The following ZBTB22 variants were observed in gnomAD, a reference collection of about 807,000 sequenced individuals.
ZBTB22 encodes the protein zinc finger and BTB domain containing 22, also known as zinc finger and BTB domain-containing protein 22.
For synonymous variants in ZBTB22, 356 were observed against 347.3 expected, an observed-to-expected ratio of 1.03 and a Z score of -0.28; for missense variants, 668 against 834.1, an observed-to-expected ratio of 0.80 and a Z score of 2.45.
chr6:33,315,266 T>C lies in ZBTB22; in HGVS notation c.1651A>G (p.Met551Val). 6.2e-7 allele frequency: 1 copy of C among 1,613,778 alleles called. No homozygotes were observed. The highest frequency in any genetic ancestry group is 8.5e-7 in the Non-Finnish European group (1 of 1,179,920). Residue 551 changes from methionine to valine, a missense_variant, in exon 2 of 2, where the codon ATG (methionine) becomes GTG (valine). Met to Val is a conservative substitution (Grantham distance 21, BLOSUM62 1). Transcript: ENST00000431845. The surrounding 1 kb of genome is among the most constrained non-coding windows in gnomAD (Gnocchi z 5.4). The part of the protein sequence containing the change: ...YECGVCAKKF[M>V]WRDSFMRHRG... ...TGGCGCATGAAGCTGTCTCGCCACA[T>C]GAACTTCTTGGCGCAGACTCCGCAC... is the stretch of plus-strand genomic sequence containing the variant.
At position 33,316,011 on chromosome 6, in the gene ZBTB22, T is replaced by C. The variant is rs775590807; in HGVS notation, c.906A>G (p.Arg302=). The C allele has an allele frequency of 1.2e-6, 2 of 1,614,038 alleles. No individual in the cohort carries two copies. Among genetic ancestry groups the C allele is most frequent in the Non-Finnish European group, 1.7e-6 (2 of 1,179,980 alleles). The change falls in exon 2 of 2, where the codon CGA becomes CGG. Residue 302 remains arginine (R), a synonymous_variant. Transcript: ENST00000431845. The surrounding 1 kb of genome is among the most constrained non-coding windows in gnomAD (Gnocchi z 7.2). ...GTGTTGGCGCTGGGCAATTACCACC[T>C]CGCTTCACGTATACCCAGTGTTTCT... is the stretch of plus-strand genomic sequence containing the variant. The part of the protein sequence containing the change: ...MPQKHWVYVK[R]GGNCPAPTPL...
rs754370089 is a variant in ZBTB22, at chr6:33,315,062, T to C, written c.1855A>G (p.Arg619Gly). The change falls in exon 2 of 2, where the codon AGA (arginine) becomes GGA (glycine). Residue 619 changes from arginine (R) to glycine (G), a missense_variant. Arg to Gly is a moderately radical substitution (Grantham distance 125). Coordinates refer to ENST00000431845, the MANE Select transcript of ZBTB22 (RefSeq NM_005453.5). This position sits in a 1 kb window ranked among gnomAD's most constrained non-coding sequence, Gnocchi z 5.4. ...PSSRRVWSPP[R>G]VHKVEMGFGG... The stretch of plus-strand genomic sequence containing the variant: ...AAGCCCATCTCCACCTTGTGGACTC[T>C]GGGTGGGGACCAGACACGTCTGCTG... The C allele has an allele frequency of 2.5e-6, 4 of 1,589,750 alleles. No homozygotes were observed. Among genetic ancestry groups the C allele is most frequent in the South Asian group, 2.2e-5 (2 of 89,150 alleles).
In ZBTB22 at chr6:33,315,361, T is replaced by C. The variant is rs770199203; in HGVS notation, c.1556A>G (p.Asn519Ser). 2 of 1,614,210 alleles carry C rather than the reference T, an allele frequency of 1.2e-6. No individual in the cohort carries two copies. Among genetic ancestry groups the C allele is most frequent in the Admixed American group, 1.7e-5 (1 of 60,032 alleles). Residue 519 changes from asparagine to serine, a missense_variant, in exon 2 of 2, where the codon AAC becomes AGC. By Grantham distance (46) the Asn-to-Ser change is conservative. Coordinates refer to ENST00000431845, the MANE Select transcript of ZBTB22 (RefSeq NM_005453.5). The surrounding 1 kb of genome is among the most constrained non-coding windows in gnomAD (Gnocchi z 5.4). ...ATGGTGCTTCATCTTGAACTTTTTG[T>C]TGCACACGGGGCAGTCAAACGGCCG... is the stretch of plus-strand genomic sequence containing the variant. The part of the protein sequence containing the change: ...NLRPFDCPVC[N>S]KKFKMKHHLT...
chr6:33,315,483 G>A lies in ZBTB22; in HGVS notation c.1434C>T (p.Gly478=). The change falls in exon 2 of 2, where the codon GGC becomes GGT. Residue 478 remains glycine (G), a synonymous_variant. Transcript: ENST00000431845. The surrounding 1 kb of genome is among the most constrained non-coding windows in gnomAD (Gnocchi z 5.4). ...GSVGGVPGGT[G]SGDGNKIFLC... Reference sequence around the variant, plus strand: ...GAAAGATCTTATTCCCGTCCCCACTGCCAGTCCCTCCAGGGACCCCACCAA... The same window carrying A: ...GAAAGATCTTATTCCCGTCCCCACTACCAGTCCCTCCAGGGACCCCACCAA... 6.2e-7 allele frequency: 1 copy of A among 1,614,034 alleles called. No individual in the cohort carries two copies. Among genetic ancestry groups the A allele is most frequent in the Non-Finnish European group, 8.5e-7 (1 of 1,179,998 alleles).
Position 33,314,861 on chromosome 6 carries a change from A to G in ZBTB22, c.*151T>C. The G allele has an allele frequency of 7.2e-7, 1 of 1,384,158 alleles. No homozygotes were observed. Among genetic ancestry groups the G allele is most frequent in the Non-Finnish European group, 9.5e-7 (1 of 1,057,578 alleles). 85.7% of individuals were successfully genotyped at this position (1,384,158 alleles called of 1,614,324 possible). On this transcript the variant is annotated 3_prime_UTR_variant, in exon 2 of 2. Transcript: ENST00000431845. Reference sequence around the variant, plus strand: ...AGTAGAATGGGCGGGCGATGGTGAAACTGTGGTTCCCCTTCCAGAATATAT... The same window carrying G: ...AGTAGAATGGGCGGGCGATGGTGAAGCTGTGGTTCCCCTTCCAGAATATAT...
At position 33,315,688 on chromosome 6, in the gene ZBTB22, G is replaced by T; in HGVS notation, c.1229C>A (p.Ser410Tyr). Residue 410 changes from serine (S) to tyrosine (Y), a missense_variant, in exon 2 of 2, where the codon TCC (serine) becomes TAC (tyrosine). Coordinates refer to ENST00000431845, the MANE Select transcript of ZBTB22 (RefSeq NM_005453.5). This position sits in a 1 kb window ranked among gnomAD's most constrained non-coding sequence, Gnocchi z 5.4. ...GGGAAGGAGCGGTCGAGGAGGGTGG[G>T]AGGGGGCATAGGAAGAGGGAGTTGG... ...GGPTPSSYAP[S>Y]HPPRPLLPLD... The T allele has an allele frequency of 2.5e-6, 4 of 1,613,820 alleles. No homozygotes were observed. Among genetic ancestry groups the T allele is most frequent in the Non-Finnish European group, 3.4e-6 (4 of 1,179,860 alleles).
rs145713668 is a variant in ZBTB22 at position 33,315,189 on chromosome 6, A to G, written c.1728T>C (p.Pro576=). 6.2e-7 allele frequency: 1 copy of G among 1,612,018 alleles called. No homozygotes were observed. Among genetic ancestry groups the G allele is most frequent in the Non-Finnish European group, 8.5e-7 (1 of 1,179,114 alleles). ...ATGGCCCCGTGGGAGTCCCAGGCCC[A>G]GGTACGGCCCCGACCCCGCCCAGGC... ...RHRLGGVGAV[P]GPGTPTGPSL... Residue 576 remains proline (P), a synonymous_variant, in exon 2 of 2, where the codon CCT becomes CCC. Transcript: ENST00000431845. The surrounding 1 kb of genome is among the most constrained non-coding windows in gnomAD (Gnocchi z 5.4).
At chr6:33,317,038 C>G (rs369452815) in intron 1 of ZBTB22, 53 bp from the exon 2 acceptor site, 1 of 1,229,322 alleles carries the variant, frequency 8.1e-7, no homozygotes, top group Non-Finnish European at 1.1e-6. Context: ...CGACACAGCC[C>G]GTTACAACTC....
chr6:33,315,100 G>T lies in ZBTB22; in HGVS notation c.1817C>A (p.Ala606Asp). ...GGGSGDEASA[A>D]TPPSSRRVWS... ...GACACGTCTGCTGGACGGGGGCGTG[G>T]CCGCACTCGCTTCGTCGCCGCTGCC... Residue 606 changes from alanine (A) to aspartate (D), a missense_variant, in exon 2 of 2, where the codon GCC becomes GAC. Ala to Asp is a moderately radical substitution (Grantham distance 126). Transcript: ENST00000431845. This position sits in a 1 kb window ranked among gnomAD's most constrained non-coding sequence, Gnocchi z 5.4. The T allele has an allele frequency of 6.2e-7, 1 of 1,611,276 alleles. No homozygotes were observed. The highest frequency in any genetic ancestry group is 8.5e-7 in the Non-Finnish European group (1 of 1,177,980).
Position 33,315,275 on chromosome 6 carries a change from T to C in ZBTB22, c.1642A>G (p.Lys548Glu). ...LKPYECGVCA[K>E]KFMWRDSFMR... ...AAGCTGTCTCGCCACATGAACTTCTTGGCGCAGACTCCGCACTCGTAGGGC... is the reference window on the plus strand; with the variant it reads ...AAGCTGTCTCGCCACATGAACTTCTCGGCGCAGACTCCGCACTCGTAGGGC... Residue 548 changes from lysine to glutamate, a missense_variant, in exon 2 of 2, where the codon AAG becomes GAG. Coordinates refer to ENST00000431845, the MANE Select transcript of ZBTB22 (RefSeq NM_005453.5). The surrounding 1 kb of genome is among the most constrained non-coding windows in gnomAD (Gnocchi z 5.4). 6.2e-7 allele frequency: 1 copy of C among 1,613,902 alleles called. No homozygotes were observed. Among genetic ancestry groups the C allele is most frequent in the Non-Finnish European group, 8.5e-7 (1 of 1,179,988 alleles).
At position 33,316,656 on chromosome 6, in the gene ZBTB22, T is replaced by G. The variant is rs774041209; in HGVS notation, c.261A>C (p.Leu87=). The G allele has an allele frequency of 4.3e-5, 69 of 1,613,818 alleles. No homozygotes were observed. The highest frequency in any genetic ancestry group is 5.3e-5 in the Non-Finnish European group (62 of 1,179,986). ...ASSPYFHDQV[L]LKGMTSISLP... ...GCGAGATGGAGGTCATGCCTTTGAG[T>G]AGGACCTGATCATGGAAGTAAGGGG... The change falls in exon 2 of 2, where the codon CTA becomes CTC. Residue 87 remains leucine, a synonymous_variant. Transcript: ENST00000431845. The surrounding 1 kb of genome is among the most constrained non-coding windows in gnomAD (Gnocchi z 7.2).
chr6:33,316,779 G>A lies in ZBTB22; in HGVS notation c.138C>T (p.Ser46=), dbSNP rs372096169. 8.1e-5 allele frequency: 130 copies of A among 1,614,046 alleles called. No homozygotes were observed. The highest frequency in any genetic ancestry group is 1.1e-4 in the Non-Finnish European group (125 of 1,180,034). ...FPEVTSALLE[S]LNQQRLQGQL... ...GGCCCTGCAGACGCTGCTGATTGAG[G>A]GACTCCAAGAGGGCACTGGTCACCT... Residue 46 remains serine, a synonymous_variant, in exon 2 of 2, where the codon TCC becomes TCT. Transcript: ENST00000431845. The surrounding 1 kb of genome is among the most constrained non-coding windows in gnomAD (Gnocchi z 7.2).
chr6:33,317,573 C>A (rs373946524), intron 1 of ZBTB22, 80 bp downstream of exon 1: 5 of 123,190 alleles, frequency 4.1e-5, no homozygotes, highest in Middle Eastern at 3.9e-3. Context: ...ACCCCGCCCC[C>A]CCCCGCTCCG....
chr6:33,314,823 G>A lies in ZBTB22; in HGVS notation c.*189C>T, dbSNP rs1198274982. The A allele has an allele frequency of 8.7e-7, 1 of 1,143,726 alleles. No individual in the cohort carries two copies. The highest frequency in any genetic ancestry group is 1.2e-6 in the Non-Finnish European group (1 of 848,410). 70.8% of individuals were successfully genotyped at this position (1,143,726 alleles called of 1,614,324 possible). On this transcript the variant is annotated 3_prime_UTR_variant, in exon 2 of 2. Transcript: ENST00000431845. The stretch of plus-strand genomic sequence containing the variant: ...TTTAGTTCTGGAAATACCTTGGGGG[G>A]GAGGGGTTGAGTAGTAGAATGGGCG...
In ZBTB22 at chr6:33,316,229, C is replaced by G. The variant is rs774252885; in HGVS notation, c.688G>C (p.Val230Leu). 1.2e-6 allele frequency: 2 copies of G among 1,614,196 alleles called. No individual in the cohort carries two copies. Among genetic ancestry groups the G allele is most frequent in the South Asian group, 2.2e-5 (2 of 91,088 alleles). The stretch of plus-strand genomic sequence containing the variant: ...CCTCCTCGACGCTCCCCACTGCCCA[C>G]TGCAGAAGCTGCAAATGCCTCTTGG... ...SSQEAFAASA[V>L]GSGERRGGGP... Residue 230 changes from valine to leucine, a missense_variant, in exon 2 of 2, where the codon GTG becomes CTG. Coordinates refer to ENST00000431845, the MANE Select transcript of ZBTB22 (RefSeq NM_005453.5). The surrounding 1 kb of genome is among the most constrained non-coding windows in gnomAD (Gnocchi z 7.2).
rs776477326 is a variant in ZBTB22 at position 33,316,838 on chromosome 6, G to A, written c.79C>T (p.Pro27Ser). Reference sequence around the variant, plus strand: ...GACACATGTACCACTGCAGCTGCTGGCAGGGGTAGTGGGGGCGGAGCCAGC... The same window carrying A: ...GACACATGTACCACTGCAGCTGCTGACAGGGGTAGTGGGGGCGGAGCCAGC... ...LSLAPPPLPL[P>S]AAAVVHVSFP... The change falls in exon 2 of 2, where the codon CCA becomes TCA. Residue 27 changes from proline (P) to serine (S), a missense_variant. By Grantham distance (74) the Pro-to-Ser change is moderately conservative (BLOSUM62 -1). Transcript: ENST00000431845. The surrounding 1 kb of genome is among the most constrained non-coding windows in gnomAD (Gnocchi z 7.2). The A allele has an allele frequency of 1.9e-6, 3 of 1,613,902 alleles. No homozygotes were observed. In the African/African-American group the frequency reaches 4.0e-5, roughly 22 times the overall value.
In ZBTB22 at chr6:33,314,803, T is replaced by G; in HGVS notation, c.*209A>C. 1 of 991,758 alleles carries G rather than the reference T, an allele frequency of 1.0e-6. No individual in the cohort carries two copies. Among genetic ancestry groups the G allele is most frequent in the Non-Finnish European group, 1.4e-6 (1 of 715,458 alleles). 61.4% of individuals were successfully genotyped at this position (991,758 alleles called of 1,614,324 possible). On this transcript the variant is annotated 3_prime_UTR_variant, in exon 2 of 2. Coordinates refer to ENST00000431845, the MANE Select transcript of ZBTB22 (RefSeq NM_005453.5). ...CATCAGAGGGAAAGGAAGGGTTTAG[T>G]TCTGGAAATACCTTGGGGGGGAGGG... is the stretch of plus-strand genomic sequence containing the variant.
chr6:33,315,611 A>T lies in ZBTB22; in HGVS notation c.1306T>A (p.Ser436Thr). The T allele has an allele frequency of 6.2e-7, 1 of 1,613,906 alleles. No homozygotes were observed. Among genetic ancestry groups the T allele is most frequent in the Non-Finnish European group, 8.5e-7 (1 of 1,179,966 alleles). ...GGTTGGCCAGGAGCCTGTGAGGATG[A>T]GGATGAAGACGACGACGGGAAGACC... Reference protein sequence around the residue: ...ILVFPSSSSSSSSQAPGQPPG... With the variant: ...ILVFPSSSSSTSSQAPGQPPG... The change falls in exon 2 of 2, where the codon TCA (serine) becomes ACA (threonine). Residue 436 changes from serine to threonine, a missense_variant. Transcript: ENST00000431845. The surrounding 1 kb of genome is among the most constrained non-coding windows in gnomAD (Gnocchi z 5.4).
At chr6:33,317,035 G>A (rs1769932354) in intron 1 of ZBTB22, 50 bp from the exon 2 acceptor site, 1 of 1,273,890 alleles carries the variant, frequency 7.8e-7, no homozygotes, top group South Asian at 1.6e-5. Context: ...TAACGACACA[G>A]CCCGTTACAA....
Sources: allele counts gnomAD v4.1 joint callset, GRCh38; gene constraint gnomAD v4.1.1; non-coding constraint Gnocchi (gnomAD v3.1); transcripts MANE v1.5; gene names NCBI Gene and HGNC (gene_info 2026-07-23, HGNC 2026-07-21).